Variants in SLC5A12 observed in about 807,000 individuals in gnomAD.
SLC5A12 encodes sodium-coupled monocarboxylate transporter 2.
Under a neutral mutation model 72.7 loss-of-function variants are expected in SLC5A12, and 46 were observed. The observed-to-expected ratio is 0.63, with a 90% confidence interval of 0.50 to 0.81. SLC5A12 has a LOEUF of 0.81. Ranked by LOEUF, SLC5A12 falls within the 30% of genes least tolerant of loss-of-function variation. The pLI, the probability that SLC5A12 is intolerant of heterozygous loss-of-function variation, is 0.00. For synonymous variants in SLC5A12, 275 were observed against 264.4 expected, an observed-to-expected ratio of 1.04 and a Z score of -0.39; for missense variants, 683 against 740.7, an observed-to-expected ratio of 0.92 and a Z score of 0.90.
chr11:26,678,592 G>A (rs1854318887), intron 13 of SLC5A12, 120 bp downstream of exon 13: 2 of 706,964 alleles, frequency 2.8e-6, no homozygotes, highest in Admixed American at 2.4e-5. Flanking sequence ...AGACATCTCT[G>A]TGGGAAGAAG....
chr11:26,670,145 CAT>C lies in SLC5A12; in HGVS notation c.*955_*956del, dbSNP rs1854105129. 1 of 152,136 alleles carries C rather than the reference CAT, an allele frequency of 6.6e-6. No homozygotes were observed. Among genetic ancestry groups the C allele is most frequent in the Non-Finnish European group, 1.5e-5 (1 of 68,034 alleles). 9.4% of individuals were successfully genotyped at this position (152,136 alleles called of 1,614,324 possible). A position where few individuals can be genotyped will look rare whatever the true frequency, so the allele number is the denominator to read the frequency against. ...AGGTGGAGTGAGTTGAGCTTGCTCA[CAT>C]GAGTTGAATGAGCAGAGTACAAGTC... On this transcript the variant is annotated 3_prime_UTR_variant, in exon 15 of 15. Transcript: ENST00000396005.
At chr11:26,673,282 T>G in intron 14 of SLC5A12, 120 bp downstream of exon 14, 1 of 1,155,650 alleles carries the variant, frequency 8.7e-7, no homozygotes. Flanking sequence ...TCAAATTCCT[T>G]CAAGTTCTCA....
At chr11:26,673,688 G>A (rs1027944608) in intron 13 of SLC5A12, among the ~76,000 whole-genome samples, 159 bp from the exon 14 acceptor site, 1 of 152,172 alleles carries the variant, frequency 6.6e-6, no homozygotes, top group South Asian at 2.1e-4. Flanking sequence ...CTGCTGAAAG[G>A]GGTGGGAGTT....
chr11:26,684,523 G>A (rs1854484346), intron 10 of SLC5A12, among the ~76,000 whole-genome samples: 1 of 152,112 alleles, frequency 6.6e-6, no homozygotes, highest in Admixed American at 6.6e-5. Flanking sequence ...TAGCCATCAT[G>A]CCTCTCCTAG....
intron 4 of SLC5A12, among the ~76,000 whole-genome samples, chr11:26,706,496 TG>T (rs1308955469): frequency 6.6e-6 from 1 of 152,084 alleles, no homozygotes; most frequent in Non-Finnish European, 1.5e-5. Flanking sequence ...TCTGATGTCA[TG>T]TTTTTTGGTT....
intron 12 of SLC5A12, among the ~76,000 whole-genome samples, chr11:26,680,304 CATATATATATATGTATATATATTCAT>C (rs1565185550): frequency 8.8e-5 from 6 of 67,878 alleles, no homozygotes; most frequent in South Asian, 4.0e-4. Flanking sequence ...TATATATATT[CATATATATATATGTATATATATTCAT>C]ATATATATGT....
intron 13 of SLC5A12, among the ~76,000 whole-genome samples, chr11:26,676,359 CAAAAA>C (rs57064388): frequency 2.6e-4 from 28 of 108,926 alleles, no homozygotes; most frequent in Non-Finnish European, 4.6e-4. Flanking sequence ...TTCTAGAAAA[CAAAAA>C]AAAAAAAAAA....
rs773282990 is a variant in SLC5A12 at position 26,721,581 on chromosome 11, C to T, written c.134G>A (p.Gly45Glu). The T allele has an allele frequency of 1.9e-6, 3 of 1,614,022 alleles. No homozygotes were observed. The highest frequency in any genetic ancestry group is 2.2e-5 in the East Asian group (1 of 44,872). Residue 45 changes from glycine to glutamate, a missense_variant, in exon 1 of 15, where the codon GGA (glycine) becomes GAA (glutamate). Physicochemically the swap from Gly to Glu is moderately conservative, Grantham distance 98. Coordinates refer to ENST00000396005, the MANE Select transcript of SLC5A12 (RefSeq NM_178498.4). ...KATSREFLVGGRQMSFGPVGL... is the reference protein window; with the variant it reads ...KATSREFLVGERQMSFGPVGL... ...GACAGGGCCAAAGCTCATTTGCCTT[C>T]CCCCAACCAGGAACTCTCGGGAAGT... is the stretch of plus-strand genomic sequence containing the variant.
intron 6 of SLC5A12, among the ~76,000 whole-genome samples, chr11:26,699,885 G>T (rs752682064): frequency 1.3e-5 from 2 of 152,016 alleles, no homozygotes; most frequent in Admixed American, 6.6e-5. Flanking sequence ...CCAGCATATA[G>T]CAAATATAAA....
intron 1 of SLC5A12, among the ~76,000 whole-genome samples, chr11:26,719,743 A>T (rs1317734225): frequency 6.6e-6 from 1 of 152,066 alleles, no homozygotes; most frequent in Non-Finnish European, 1.5e-5. Context: ...GTTTCATATG[A>T]TCACCCTCTA....
intron 9 of SLC5A12, among the ~76,000 whole-genome samples, chr11:26,689,170 C>T (rs771883759): frequency 4.1e-4 from 62 of 150,314 alleles, no homozygotes; most frequent in Non-Finnish European, 7.4e-4. Context: ...CCTAGGCAGG[C>T]GGATCAGCTG....
At chr11:26,677,987 G>C (rs560372060) in intron 13 of SLC5A12, among the ~76,000 whole-genome samples, 20 of 152,214 alleles carry the variant, frequency 1.3e-4, no homozygotes, top group Admixed American at 3.9e-4. Context: ...CATGGGCTTT[G>C]AAACAAAAAG....
At chr11:26,716,216 A>G (rs1855346817) in intron 1 of SLC5A12, 1 of 152,162 alleles carries the variant, frequency 6.6e-6, no homozygotes, top group Non-Finnish European at 1.5e-5. Flanking sequence ...GTTAAGTTCC[A>G]CTCAACCCAG....
chr11:26,695,264 C>A (rs1854781510), intron 8 of SLC5A12, among the ~76,000 whole-genome samples: 1 of 151,930 alleles, frequency 6.6e-6, no homozygotes, highest in South Asian at 2.1e-4. Context: ...GAAGAGGTAT[C>A]AAATACATAG....
chr11:26,681,203 G>A lies in SLC5A12; in HGVS notation c.1327C>T (p.Leu443Phe). The change falls in exon 12 of 15, where the codon CTT becomes TTT. Residue 443 changes from leucine to phenylalanine, a missense_variant. By Grantham distance (22) the Leu-to-Phe change is conservative (BLOSUM62 0). Transcript: ENST00000396005. ...VNWKGALGGL[L>F]TGITLSFWVA... Reference sequence around the variant, plus strand: ...CAAAATGACAAGGTGATTCCAGTAAGAAGACCTCCTAGTGCACCCTGGATG... The same window carrying A: ...CAAAATGACAAGGTGATTCCAGTAAAAAGACCTCCTAGTGCACCCTGGATG... 1 of 1,603,372 alleles carries A rather than the reference G, an allele frequency of 6.2e-7. No individual in the cohort carries two copies. The highest frequency in any genetic ancestry group is 8.5e-7 in the Non-Finnish European group (1 of 1,175,352).
intron 6 of SLC5A12, among the ~76,000 whole-genome samples, chr11:26,702,942 A>G (rs1854993571): frequency 6.6e-6 from 1 of 152,182 alleles, no homozygotes. Context: ...TTCCAATCGG[A>G]TAGACCAAGT....
Position 26,721,567 on chromosome 11 carries a change from A to T in SLC5A12, c.148T>A (p.Phe50Ile). 6.2e-7 allele frequency: 1 copy of T among 1,614,168 alleles called. No homozygotes were observed. The highest frequency in any genetic ancestry group is 1.1e-5 in the South Asian group (1 of 91,080). Residue 50 changes from phenylalanine to isoleucine, a missense_variant, in exon 1 of 15, where the codon TTT (phenylalanine) becomes ATT (isoleucine). Transcript: ENST00000396005. ...EFLVGGRQMS[F>I]GPVGLSLTAS... is the part of the protein sequence containing the mutation. The stretch of plus-strand genomic sequence containing the variant: ...GTCAGAGACAAGCCGACAGGGCCAA[A>T]GCTCATTTGCCTTCCCCCAACCAGG...
At position 26,673,406 on chromosome 11, in the gene SLC5A12, T is replaced by C. The variant is rs1359373201; in HGVS notation, c.1703A>G (p.Glu568Gly). The C allele has an allele frequency of 6.3e-7, 1 of 1,583,206 alleles. No homozygotes were observed. The highest frequency in any genetic ancestry group is 2.3e-5 in the East Asian group (1 of 43,300). The change falls in exon 14 of 15, where the codon GAG (glutamate) becomes GGG (glycine). Residue 568 changes from glutamate to glycine, a missense_variant. Physicochemically the swap from Glu to Gly is moderately conservative, Grantham distance 98. Coordinates refer to ENST00000396005, the MANE Select transcript of SLC5A12 (RefSeq NM_178498.4). ...GAAGCTCAAACATCAGCTCACCTGCTCTGTCCCACTGTCATGCTGAACTCC... is the reference window on the plus strand; with the variant it reads ...GAAGCTCAAACATCAGCTCACCTGCCCTGTCCCACTGTCATGCTGAACTCC... The part of the protein sequence containing the change: ...WCGVQHDSGT[E>G]QENLENGSAR...
rs766183829 is a variant in SLC5A12, at chr11:26,671,194, C to G, written c.1765G>C (p.Gly589Arg). ...KQGAESVLQN[G>R]LRRESLVHVP... ...TGTACCAGGCTTTCTCTTCTGAGTC[C>G]GTTCTGTAAGACAGATTCAGCCCCC... is the stretch of plus-strand genomic sequence containing the variant. Residue 589 changes from glycine to arginine, a missense_variant, in exon 15 of 15, where the codon GGA becomes CGA. Gly to Arg is a moderately radical substitution (Grantham distance 125, BLOSUM62 -2). Transcript: ENST00000396005. The G allele has an allele frequency of 6.2e-7, 1 of 1,612,196 alleles. No homozygotes were observed. Among genetic ancestry groups the G allele is most frequent in the South Asian group, 1.1e-5 (1 of 90,850 alleles).
Sources: allele counts gnomAD v4.1 joint callset (sites outside exome capture counted in the v4.1 genomes callset), GRCh38; gene constraint gnomAD v4.1.1; transcripts MANE v1.5; gene names NCBI Gene and HGNC (gene_info 2026-07-23, HGNC 2026-07-21).